EIF3L: variants seen among roughly 807,000 people sequenced by gnomAD.
The protein encoded by EIF3L is eIEF associated protein HSPC021.
A neutral mutation model predicts 74.6 loss-of-function variants in EIF3L; 32 were observed. The observed-to-expected ratio is 0.43, with a 90% CI of 0.32 to 0.58. The LOEUF is 0.58. Ranked by LOEUF, EIF3L falls within the 20% of genes least tolerant of loss-of-function variation. The pLI, the probability that EIF3L is intolerant of heterozygous loss-of-function variation, is 0.06. For synonymous variants in EIF3L, 256 were observed against 254.4 expected, an observed-to-expected ratio of 1.01 and a Z score of -0.06; for missense variants, 474 against 707.8, an observed-to-expected ratio of 0.67 and a Z score of 3.75.
intron 11 of EIF3L, chr22:37,881,710 T>G (rs1397705278): frequency 6.6e-6 from 1 of 152,012 alleles, no homozygotes; most frequent in Non-Finnish European, 1.5e-5. Flanking sequence ...CACACGGCCG[T>G]CAGCCCAGGT....
Position 37,874,515 on chromosome 22 carries a change from G to C in EIF3L, c.897G>C (p.Leu299=). The change falls in exon 9 of 13, where the codon CTG becomes CTC. Residue 299 remains leucine, a synonymous_variant. Coordinates refer to ENST00000652021, the MANE Select transcript of EIF3L (RefSeq NM_016091.4). The part of the protein sequence containing the change: ...QAIKVLENIE[L]NKKSMYSRVP... ...TCAAGGTGCTGGAGAACATCGAACT[G>C]AACAAGAAGGTGATGCCTATTGCCT... is the stretch of plus-strand genomic sequence containing the variant. 1 of 1,613,764 alleles carries C rather than the reference G, an allele frequency of 6.2e-7. No homozygotes were observed. The highest frequency in any genetic ancestry group is 1.1e-5 in the South Asian group (1 of 90,992).
At chr22:37,875,246 T>A (rs1462946543) in intron 9 of EIF3L, among the ~76,000 whole-genome samples, 1 of 149,874 alleles carries the variant, frequency 6.7e-6, no homozygotes, top group Non-Finnish European at 1.5e-5. Context: ...GGTATGGTGG[T>A]GGGCACTTGT....
intron 12 of EIF3L, chr22:37,888,151 C>T (rs1039973728): frequency 1.6e-5 from 6 of 380,960 alleles, no homozygotes; most frequent in Non-Finnish European, 2.3e-5. Context: ...CTTGAAACGT[C>T]TGGCCAGTCT....
chr22:37,879,631 AAGG>A lies in EIF3L; in HGVS notation c.1575+1464_1575+1466del, dbSNP rs781198393. 8 of 152,354 alleles carry A rather than the reference AAGG, an allele frequency of 5.3e-5. 1 individual carries two copies. Among genetic ancestry groups the A allele is most frequent in the Admixed American group, 3.3e-4 (5 of 15,266 alleles). The allele number at this position is 152,354 out of a possible 1,614,324, so 9.4% of individuals were successfully genotyped here. A position where few individuals can be genotyped will look rare whatever the true frequency, so the allele number is the denominator to read the frequency against. On this transcript the variant is annotated intron_variant, in intron 11 of 12. Coordinates refer to ENST00000652021, the MANE Select transcript of EIF3L (RefSeq NM_016091.4). ...TGTAGTATGCCCGAGTAGCCTGAGAAAGGAGGCTGTGAAGATGAGATTGGAGAA... is the reference window on the plus strand; with the variant it reads ...TGTAGTATGCCCGAGTAGCCTGAGAAAGGCTGTGAAGATGAGATTGGAGAA...
At chr22:37,878,558 G>C (rs1926879836) in intron 11 of EIF3L, 1 of 161,384 alleles carries the variant, frequency 6.2e-6, no homozygotes, top group African/African-American at 2.4e-5. Flanking sequence ...CCGCCTCCCA[G>C]GTTCAAGCCA....
rs1295064656 is a variant in EIF3L, at chr22:37,849,999, GTC to G, written c.34-12_34-11del. 6.2e-7 allele frequency: 1 copy of G among 1,613,602 alleles called. No homozygotes were observed. Among genetic ancestry groups the G allele is most frequent in the Admixed American group, 1.7e-5 (1 of 59,986 alleles). ...CGACTTGGCGGCTGTCCTTGACTGTGTCTCTTTCCTTCTAGGCGGCTTATGAC... is the reference window on the plus strand; with the variant it reads ...CGACTTGGCGGCTGTCCTTGACTGTGTCTTTCCTTCTAGGCGGCTTATGAC... On this transcript the variant is annotated splice_polypyrimidine_tract_variant and intron_variant, in intron 1 of 12. Coordinates refer to ENST00000652021, the MANE Select transcript of EIF3L (RefSeq NM_016091.4).
In EIF3L at chr22:37,886,779, C is replaced by A. The variant is rs369820470; in HGVS notation, c.1590C>A (p.Ile530=). ...DFYIDKDMIH[I]ADTKVARRYG... is the part of the protein sequence containing the mutation. ...TTCCCCCACAGGACATGATCCACAT[C>A]GCGGACACCAAGGTCGCCAGGCGTT... Residue 530 remains isoleucine (I), a synonymous_variant, in exon 12 of 13, where the codon ATC becomes ATA. Transcript: ENST00000652021. 1 of 1,610,178 alleles carries A rather than the reference C, an allele frequency of 6.2e-7. No homozygotes were observed. The highest frequency in any genetic ancestry group is 1.3e-5 in the African/African-American group (1 of 74,904).
intron 7 of EIF3L, among the ~76,000 whole-genome samples, chr22:37,868,469 C>A (rs956444948): frequency 1.3e-5 from 2 of 148,502 alleles, no homozygotes; most frequent in African/African-American, 5.0e-5. Context: ...TTTTTTCCCC[C>A]CTAAGGCGGA....
chr22:37,876,268 T>TA (rs1413593429), intron 10 of EIF3L: 1 of 383,550 alleles, frequency 2.6e-6, no homozygotes, highest in Non-Finnish European at 4.7e-6. Flanking sequence ...TAGCTGGGCT[T>TA]AAAGGCGCAC....
intron 4 of EIF3L, among the ~76,000 whole-genome samples, chr22:37,857,548 T>C (rs529828457): frequency 1.4e-4 from 21 of 151,414 alleles, no homozygotes; most frequent in South Asian, 1.3e-3. Context: ...CTTTTTTTTT[T>C]CCCCCTAAGA....
chr22:37,855,567 G>T lies in EIF3L; in HGVS notation c.296G>T (p.Trp99Leu). Residue 99 changes from tryptophan to leucine, a missense_variant and splice_region_variant, in exon 4 of 13, where the codon TGG becomes TTG. Coordinates refer to ENST00000652021, the MANE Select transcript of EIF3L (RefSeq NM_016091.4). ...YEIQDIYENS[W>L]TKLTERFFKN... The stretch of plus-strand genomic sequence containing the variant: ...GAGATTTTTTTCTTGATTTTTAGCT[G>T]GACCAAGCTGACTGAAAGATTCTTC... The T allele has an allele frequency of 6.2e-7, 1 of 1,613,758 alleles. No homozygotes were observed. Among genetic ancestry groups the T allele is most frequent in the East Asian group, 2.2e-5 (1 of 44,900 alleles).
At chr22:37,870,763 A>G (rs756227991) in intron 8 of EIF3L, among the ~76,000 whole-genome samples, 20 of 151,712 alleles carry the variant, frequency 1.3e-4, no homozygotes, top group Non-Finnish European at 2.8e-4. Context: ...TCTGGCTGAG[A>G]TAGCTGGCTT....
chr22:37,876,094 C>G (rs1926733626), intron 10 of EIF3L, 83 bp downstream of exon 10: 1 of 1,454,988 alleles, frequency 6.9e-7, no homozygotes. Flanking sequence ...TTGGTAAACA[C>G]CATCCAAAAT....
At chr22:37,854,162 G>C (rs1337437315) in intron 3 of EIF3L, among the ~76,000 whole-genome samples, 1 of 152,184 alleles carries the variant, frequency 6.6e-6, no homozygotes, top group Admixed American at 6.6e-5. Context: ...ATCTAGTAAA[G>C]GAGGCAGAAA....
intron 11 of EIF3L, chr22:37,884,312 G>C (rs1354233112): frequency 6.6e-6 from 1 of 152,068 alleles, no homozygotes; most frequent in East Asian, 1.9e-4. Context: ...TGCACATTTG[G>C]GGTTTTTGGT....
At chr22:37,859,278 TTGTTA>T (rs1368429497) in intron 5 of EIF3L, among the ~76,000 whole-genome samples, 2 of 151,496 alleles carry the variant, frequency 1.3e-5, no homozygotes, top group Non-Finnish European at 2.9e-5. Flanking sequence ...CTAGACCAGC[TTGTTA>T]TAACACCAGT....
chr22:37,852,117 A>G (rs1390288039), intron 3 of EIF3L, among the ~76,000 whole-genome samples: 2 of 152,160 alleles, frequency 1.3e-5, no homozygotes, highest in African/African-American at 4.8e-5. Context: ...TGGACTTTAT[A>G]TCCTCAGAAA....
intron 8 of EIF3L, among the ~76,000 whole-genome samples, chr22:37,873,177 C>T (rs562059423): frequency 2.6e-5 from 4 of 151,980 alleles, no homozygotes; most frequent in South Asian, 2.1e-4. Context: ...TTAGTAGAGA[C>T]GGGGCTTCAC....
Position 37,874,450 on chromosome 22 carries a change from C to T in EIF3L, c.832C>T (p.Leu278Phe), listed in dbSNP as rs1163890297. Reference protein sequence around the residue: ...MLGYFSLVGLLRLHSLLGDYY... With the variant: ...MLGYFSLVGLFRLHSLLGDYY... ...TGGTTACTTCAGCCTGGTCGGGCTT[C>T]TCCGCCTGCACTCCCTGTTAGGAGA... The change falls in exon 9 of 13, where the codon CTC becomes TTC. Residue 278 changes from leucine to phenylalanine, a missense_variant. Physicochemically the swap from Leu to Phe is conservative, Grantham distance 22. Transcript: ENST00000652021. 2 of 1,614,184 alleles carry T rather than the reference C, an allele frequency of 1.2e-6. No individual in the cohort carries two copies. Among genetic ancestry groups the T allele is most frequent in the Non-Finnish European group, 8.5e-7 (1 of 1,180,020 alleles).
Sources: allele counts gnomAD v4.1 joint callset (sites outside exome capture counted in the v4.1 genomes callset), GRCh38; gene constraint gnomAD v4.1.1; transcripts MANE v1.5; gene names NCBI Gene and HGNC (gene_info 2026-07-23, HGNC 2026-07-21).